Variants in MACROD2 observed in about 807,000 individuals in gnomAD.
MACROD2 encodes the protein ADP-ribose glycohydrolase MACROD2.
A neutral mutation model predicts 70.4 loss-of-function variants in MACROD2; 36 were observed. That is an observed-to-expected ratio of 0.51 (90% CI 0.39 to 0.68). MACROD2 has a LOEUF of 0.68. Among genes scored for constraint, MACROD2 ranks in the 30% least tolerant of loss-of-function variants. MACROD2 has a pLI of 0.00. For synonymous variants in MACROD2, 172 were observed against 178.8 expected, an observed-to-expected ratio of 0.96 and a Z score of 0.30; for missense variants, 496 against 538.4, an observed-to-expected ratio of 0.92 and a Z score of 0.78.
chr20:15,570,200 T>C (rs1189396386), intron 8 of MACROD2, among the ~76,000 whole-genome samples: 2 of 152,200 alleles, frequency 1.3e-5, no homozygotes, highest in East Asian at 3.9e-4. Context: ...TGCCAACACT[T>C]GTTGTCTTTC....
chr20:14,348,353 T>G (rs2083085989), intron 3 of MACROD2, among the ~76,000 whole-genome samples: 1 of 151,922 alleles, frequency 6.6e-6, no homozygotes, highest in Non-Finnish European at 1.5e-5. Flanking sequence ...AAAAATTCTG[T>G]GACATTAAGG....
intron 7 of MACROD2, among the ~76,000 whole-genome samples, chr20:15,458,711 T>G (rs532479375): frequency 6.6e-6 from 1 of 151,948 alleles, no homozygotes; most frequent in East Asian, 1.9e-4. Flanking sequence ...TCATTGGTGA[T>G]ATTCATTTAG....
At chr20:14,671,827 A>T (rs2070798857) in intron 4 of MACROD2, among the ~76,000 whole-genome samples, 1 of 152,024 alleles carries the variant, frequency 6.6e-6, no homozygotes, top group Non-Finnish European at 1.5e-5. Flanking sequence ...TTGTCATTGC[A>T]TTGTATTTTC....
chr20:14,159,900 A>G (rs903863229), intron 3 of MACROD2, among the ~76,000 whole-genome samples: 7 of 152,208 alleles, frequency 4.6e-5, no homozygotes, highest in South Asian at 4.1e-4. Flanking sequence ...GTGTTCTTCT[A>G]TGCCTAGTTT....
rs1042322380 is a variant in MACROD2, at chr20:15,837,663, G to C, written c.646-25082G>C. Among the ~76,000 whole-genome samples the C allele has an allele frequency of 2.0e-5, 3 of 152,034 alleles. No homozygotes were observed. In the East Asian group the frequency reaches 5.8e-4, roughly 29 times the overall value. ...GAAACTCAAGAGTTTCTGGAAACTT[G>C]ATTTGCCCCATATTATTAACAAAAC... On this transcript the variant is annotated intron_variant, in intron 8 of 17. Transcript: ENST00000684519.
At chr20:14,904,178 T>G (rs146681221) in intron 5 of MACROD2, among the ~76,000 whole-genome samples, 239 of 152,250 alleles carry the variant, frequency 1.6e-3, no homozygotes, top group African/African-American at 5.4e-3. Flanking sequence ...TTGGATATAG[T>G]TAGTATGAAT....
chr20:16,003,828 G>A lies in MACROD2; in HGVS notation c.1153+16670G>A, dbSNP rs539888727. Reference sequence around the variant, plus strand: ...TGGGATTACAGGCAAGCACCACCACGCCCGGCTAATTTTTGTATTTTTAGC... The same window carrying A: ...TGGGATTACAGGCAAGCACCACCACACCCGGCTAATTTTTGTATTTTTAGC... On this transcript the variant is annotated intron_variant, in intron 15 of 17. Coordinates refer to ENST00000684519, the MANE Select transcript of MACROD2 (RefSeq NM_001351661.2). 3.0e-3 allele frequency among the ~76,000 whole-genome samples: 455 copies of A among 152,138 alleles called. 3 individuals are homozygous for A. The highest frequency in any genetic ancestry group is 0.01 in the African/African-American group (426 of 41,494).
chr20:15,694,536 A>G (rs751053268), intron 8 of MACROD2, among the ~76,000 whole-genome samples: 13 of 151,792 alleles, frequency 8.6e-5, no homozygotes, highest in Non-Finnish European at 1.3e-4. Flanking sequence ...GTCTATTCAT[A>G]TTCTTAGCCC....
chr20:15,793,826 C>A (rs1449794845), intron 8 of MACROD2, among the ~76,000 whole-genome samples: 1 of 146,750 alleles, frequency 6.8e-6, no homozygotes, highest in Non-Finnish European at 1.5e-5. Context: ...TATATCATAA[C>A]ATCTATATTA....
chr20:14,776,828 C>T (rs999679014), intron 5 of MACROD2, among the ~76,000 whole-genome samples: 2 of 152,062 alleles, frequency 1.3e-5, no homozygotes, highest in African/African-American at 4.8e-5. Context: ...TCTCCAGTCA[C>T]TATCCTCCCG....
At chr20:15,568,303 A>G (rs893643553) in intron 8 of MACROD2, among the ~76,000 whole-genome samples, 4 of 152,244 alleles carry the variant, frequency 2.6e-5, no homozygotes, top group African/African-American at 9.6e-5. Context: ...TAGAGGACAC[A>G]TCTGTATACA....
chr20:15,962,960 A>G (rs1446459949), intron 12 of MACROD2, among the ~76,000 whole-genome samples: 1 of 152,198 alleles, frequency 6.6e-6, no homozygotes, highest in African/African-American at 2.4e-5. Context: ...TTTCCTATAT[A>G]AAAGAGTAGC....
chr20:14,202,814 C>T (rs201180992), intron 3 of MACROD2, among the ~76,000 whole-genome samples: 70 of 152,154 alleles, frequency 4.6e-4, no homozygotes, highest in African/African-American at 1.7e-3. Context: ...TTTGGGAGAC[C>T]AAGGTGGGTG....
At chr20:15,365,162 C>T (rs1724964799) in intron 6 of MACROD2, among the ~76,000 whole-genome samples, 1 of 151,182 alleles carries the variant, frequency 6.6e-6, no homozygotes, top group South Asian at 2.1e-4. Flanking sequence ...TTAAATTATT[C>T]TTTGGGGCGG....
At chr20:15,331,317 T>A (rs1246469355) in intron 6 of MACROD2, among the ~76,000 whole-genome samples, 1 of 151,762 alleles carries the variant, frequency 6.6e-6, no homozygotes, top group Non-Finnish European at 1.5e-5. Context: ...CTTTAATTTT[T>A]AAACTTCTGT....
At chr20:15,412,278 G>C (rs1356046651) in intron 6 of MACROD2, among the ~76,000 whole-genome samples, 1 of 151,954 alleles carries the variant, frequency 6.6e-6, no homozygotes. Context: ...TTTTGCATAT[G>C]CATTATTAAA....
chr20:14,906,371 G>C (rs1319186578), intron 5 of MACROD2, among the ~76,000 whole-genome samples: 1 of 152,160 alleles, frequency 6.6e-6, no homozygotes, highest in Non-Finnish European at 1.5e-5. Context: ...GCGCATGCCT[G>C]TAATCCCAGC....
intron 5 of MACROD2, among the ~76,000 whole-genome samples, chr20:14,925,893 G>C (rs1193657504): frequency 6.6e-6 from 1 of 152,184 alleles, no homozygotes; most frequent in Non-Finnish European, 1.5e-5. Context: ...CTGGCTCGCA[G>C]GGACTTATAT....
chr20:14,148,950 A>G (rs935995138), intron 3 of MACROD2, among the ~76,000 whole-genome samples: 14 of 152,060 alleles, frequency 9.2e-5, no homozygotes, highest in Middle Eastern at 3.4e-3. Context: ...AGGTTCCTTA[A>G]CATAGCACAC....
Sources: allele counts gnomAD v4.1 joint callset (sites outside exome capture counted in the v4.1 genomes callset), GRCh38; gene constraint gnomAD v4.1.1; transcripts MANE v1.5; gene names NCBI Gene and HGNC (gene_info 2026-07-23, HGNC 2026-07-21).